The following NRXN1 variants were observed in gnomAD, a reference collection of about 807,000 sequenced individuals.
NRXN1 encodes the protein neurexin 1.
NRXN1 carries 39 observed loss-of-function variants against 150.9 expected under a neutral mutation model. The observed-to-expected ratio is 0.26, with a 90% CI of 0.20 to 0.34. The LOEUF (loss-of-function observed/expected upper bound fraction) is 0.34, where lower values mean the gene tolerates loss of function less well. Among genes scored for constraint, NRXN1 ranks in the 10% least tolerant of loss-of-function variants. The pLI is 1.00. For missense variants in NRXN1, 1,815 were observed against 1,949.9 expected (o/e 0.93, Z 1.30); for synonymous variants, 924 against 757.0 (o/e 1.22, Z -3.62).
At position 50,700,998 on chromosome 2, in the gene NRXN1, T is replaced by C. The variant is rs553070750; in HGVS notation, c.833-77383A>G. Among the ~76,000 whole-genome samples, 8 of 152,152 alleles carry C rather than the reference T, an allele frequency of 5.3e-5. No individual in the cohort carries two copies. The East Asian group carries it at 1.6e-3, about 30-fold the overall frequency. On this transcript the variant is annotated intron_variant, in intron 5 of 22. Transcript: ENST00000401669. ...AAGATTTTTAAAATCTCTTAAATTG[T>C]CCGAAGGGTGCTTCTTCCACTACAT...
chr2:50,163,640 T>C (rs772382784), intron 18 of NRXN1, among the ~76,000 whole-genome samples: 2 of 152,304 alleles, frequency 1.3e-5, no homozygotes, highest in East Asian at 3.9e-4. Context: ...TAAGCACTCC[T>C]CTAAAGTTCT....
At position 50,780,660 on chromosome 2, in the gene NRXN1, A is replaced by C. The variant is rs569440015; in HGVS notation, c.832+141209T>G. On this transcript the variant is annotated intron_variant, in intron 5 of 22. Coordinates refer to ENST00000401669, the MANE Select transcript of NRXN1 (RefSeq NM_001330078.2). The stretch of plus-strand genomic sequence containing the variant: ...CCTTGGTCTACTCATGTTCTTTTTA[A>C]TGTTGAATATTTAAGTTCTAATTTT... Among the ~76,000 whole-genome samples the C allele has an allele frequency of 1.7e-3, 252 of 152,180 alleles. 1 individual carries two copies. Among genetic ancestry groups the C allele is most frequent in the African/African-American group, 5.9e-3 (243 of 41,536 alleles).
intron 21 of NRXN1, among the ~76,000 whole-genome samples, chr2:50,022,526 G>T (rs1488609784): frequency 6.6e-6 from 1 of 152,094 alleles, no homozygotes; most frequent in African/African-American, 2.4e-5. Flanking sequence ...AAAAGCAGGG[G>T]ATTACATTTA....
chr2:50,925,945 ATTG>A lies in NRXN1; in HGVS notation c.780_782del (p.Asn261del). Reference sequence around the variant, plus strand: ...AAGGTAGAAAGCACCCACCTTCCACATTGTTGTCTTCTGAAAGCACATGACAAG... The same window carrying A: ...AAGGTAGAAAGCACCCACCTTCCACATTGTCTTCTGAAAGCACATGACAAG... On this transcript the variant is annotated inframe_deletion, in exon 3 of 23. Coordinates refer to ENST00000401669, the MANE Select transcript of NRXN1 (RefSeq NM_001330078.2). The A allele has an allele frequency of 6.4e-7, 1 of 1,574,748 alleles. No individual in the cohort carries two copies. Among genetic ancestry groups the A allele is most frequent in the South Asian group, 1.2e-5 (1 of 85,632 alleles).
chr2:50,314,534 T>C lies in NRXN1; in HGVS notation c.3365-77564A>G, dbSNP rs559598751. Reference sequence around the variant, plus strand: ...CCTCAGAGAAAAAAAAATCATTCCATATAATTATGGGTGCATTGACATCAA... The same window carrying C: ...CCTCAGAGAAAAAAAAATCATTCCACATAATTATGGGTGCATTGACATCAA... On this transcript the variant is annotated intron_variant, in intron 17 of 22. Transcript: ENST00000401669. Among the ~76,000 whole-genome samples the C allele has an allele frequency of 3.3e-5, 5 of 152,066 alleles. 1 individual carries two copies. The Middle Eastern group carries it at 0.014, about 414-fold the overall frequency.
rs534027602 is a variant in NRXN1 at position 49,992,354 on chromosome 2, A to G, written c.4129-48563T>C. Among the ~76,000 whole-genome samples the G allele has an allele frequency of 2.6e-5, 4 of 151,838 alleles. No individual in the cohort carries two copies. In the South Asian group the frequency reaches 8.3e-4, roughly 32 times the overall value. On this transcript the variant is annotated intron_variant, in intron 21 of 22. Transcript: ENST00000401669. ...GGAAATTGAGACCATCCTGGACAAC[A>G]TGGTGAAACTCCGTCTCTACTAAAA...
At chr2:50,805,657 A>G (rs1667417156) in intron 5 of NRXN1, among the ~76,000 whole-genome samples, 1 of 152,164 alleles carries the variant, frequency 6.6e-6, no homozygotes, top group Non-Finnish European at 1.5e-5. Flanking sequence ...GAAGGAAGGA[A>G]GGAAATAAAA....
At chr2:50,779,661 G>C (rs1489346080) in intron 5 of NRXN1, among the ~76,000 whole-genome samples, 1 of 152,098 alleles carries the variant, frequency 6.6e-6, no homozygotes, top group Non-Finnish European at 1.5e-5. Context: ...CCAGCTACTT[G>C]GGAGGCTGAG....
chr2:50,939,197 C>CGAGACTCTGTT (rs1175879145), intron 2 of NRXN1, among the ~76,000 whole-genome samples: 2 of 110,424 alleles, frequency 1.8e-5, no homozygotes, highest in Non-Finnish European at 3.3e-5. Context: ...GGCAACAGAG[C>CGAGACTCTGTT]GAGACTCCAT....
intron 5 of NRXN1, chr2:50,912,933 C>CCA (rs1459590517): frequency 6.6e-6 from 1 of 151,780 alleles, no homozygotes; most frequent in Non-Finnish European, 1.5e-5. Context: ...CTCTCTTCTT[C>CCA]CACCTCATTG....
intron 8 of NRXN1, among the ~76,000 whole-genome samples, chr2:50,606,155 C>T (rs1253332960): frequency 6.9e-6 from 1 of 145,552 alleles, no homozygotes; most frequent in Non-Finnish European, 1.5e-5. Context: ...CAGGCTGAGG[C>T]AGAAGAATGG....
chr2:50,779,098 T>C (rs1704017675), intron 5 of NRXN1, among the ~76,000 whole-genome samples: 1 of 152,080 alleles, frequency 6.6e-6, no homozygotes, highest in South Asian at 2.1e-4. Context: ...CTAGGCATAC[T>C]TGTGCCACAG....
intron 17 of NRXN1, among the ~76,000 whole-genome samples, chr2:50,315,908 G>A (rs1305870153): frequency 6.6e-6 from 1 of 152,046 alleles, no homozygotes; most frequent in Non-Finnish European, 1.5e-5. Context: ...TAAGACAGAA[G>A]AATAAAGTTT....
chr2:50,617,789 T>A (rs1679293349), intron 8 of NRXN1, among the ~76,000 whole-genome samples: 1 of 152,224 alleles, frequency 6.6e-6, no homozygotes, highest in South Asian at 2.1e-4. Context: ...TAAAAAAAAA[T>A]GAATACTAAG....
chr2:49,929,844 T>C (rs1168803984), intron 22 of NRXN1, among the ~76,000 whole-genome samples: 1 of 152,174 alleles, frequency 6.6e-6, no homozygotes, highest in Non-Finnish European at 1.5e-5. Flanking sequence ...ACTTGATGTA[T>C]ATGTCCTCAT....
chr2:50,152,093 C>A (rs1293282429), intron 18 of NRXN1, among the ~76,000 whole-genome samples: 1 of 151,614 alleles, frequency 6.6e-6, no homozygotes, highest in African/African-American at 2.4e-5. Context: ...GTATACAGTT[C>A]AGTGGTACTA....
chr2:50,582,762 T>C (rs909425847), intron 8 of NRXN1, among the ~76,000 whole-genome samples: 12 of 152,096 alleles, frequency 7.9e-5, no homozygotes, highest in Non-Finnish European at 1.2e-4. Flanking sequence ...TATCAAAATA[T>C]TAAAACAGCT....
In NRXN1 at chr2:50,472,314, G is replaced by A. The variant is rs201241923; in HGVS notation, c.3228C>T (p.Ile1076=). The A allele has an allele frequency of 9.4e-6, 15 of 1,603,712 alleles. No homozygotes were observed. The highest frequency in any genetic ancestry group is 1.7e-4 in the Middle Eastern group (1 of 5,978). ...ATCTAATACCTTCACATCCTCTCTC[G>A]ATCTGTCCGTTGCAGAAAAGAGCAT... is the stretch of plus-strand genomic sequence containing the variant. The part of the protein sequence containing the change: ...ISDALFCNGQ[I]ERGCEGPSTT... Residue 1076 remains isoleucine (I), a synonymous_variant, in exon 16 of 23, where the codon ATC becomes ATT. Transcript: ENST00000401669.
chr2:49,998,458 A>G (rs1416248743), intron 21 of NRXN1, among the ~76,000 whole-genome samples: 1 of 152,112 alleles, frequency 6.6e-6, no homozygotes. Context: ...GTTGCTTTTT[A>G]TATTTTTTTA....
Sources: allele counts gnomAD v4.1 joint callset (sites outside exome capture counted in the v4.1 genomes callset), GRCh38; gene constraint gnomAD v4.1.1; transcripts MANE v1.5; gene names NCBI Gene and HGNC (gene_info 2026-07-23, HGNC 2026-07-21).